The following ATP8A2 variants were observed in gnomAD, a reference collection of about 807,000 sequenced individuals.
The protein encoded by ATP8A2 is ATPase phospholipid transporting 8A2, also known as phospholipid-transporting ATPase IB.
Under a neutral mutation model 165.6 loss-of-function variants are expected in ATP8A2, and 100 were observed. The observed-to-expected ratio is 0.60, with a 90% confidence interval of 0.51 to 0.71. The LOEUF (loss-of-function observed/expected upper bound fraction) is 0.71. Among genes scored for constraint, ATP8A2 ranks in the 30% least tolerant of loss-of-function variants. The pLI is 0.00. For missense variants in ATP8A2, 1,227 were observed against 1,479.5 expected (o/e 0.83, Z 2.80); for synonymous variants, 543 against 548.8 (o/e 0.99, Z 0.15).
At chr13:25,539,097 GTGTTT>G (rs1566239866) in intron 7 of ATP8A2, among the ~76,000 whole-genome samples, 1 of 146,094 alleles carries the variant, frequency 6.8e-6, no homozygotes, top group Admixed American at 6.8e-5. Context: ...GTGTGTGTGT[GTGTTT>G]TGTTTTGTTT....
intron 33 of ATP8A2, among the ~76,000 whole-genome samples, chr13:25,914,087 G>T (rs1954199625): frequency 6.6e-6 from 1 of 152,174 alleles, no homozygotes; most frequent in East Asian, 1.9e-4. Flanking sequence ...TCTGCTTCCT[G>T]AAACTCTTCT....
At chr13:25,962,599 A>G (rs1795441805) in intron 34 of ATP8A2, among the ~76,000 whole-genome samples, 1 of 152,158 alleles carries the variant, frequency 6.6e-6, no homozygotes, top group Non-Finnish European at 1.5e-5. Flanking sequence ...GGTCGACCCA[A>G]TTTCTCCTAC....
chr13:25,654,706 A>G (rs17623609), intron 24 of ATP8A2, among the ~76,000 whole-genome samples: 5,229 of 152,226 alleles, frequency 0.034, 155 homozygotes, highest in East Asian at 0.13. Flanking sequence ...GTAGATATAG[A>G]CATAGAAGGT....
At chr13:25,736,271 A>G (rs895739016) in intron 25 of ATP8A2, among the ~76,000 whole-genome samples, 13 of 152,342 alleles carry the variant, frequency 8.5e-5, no homozygotes, top group South Asian at 2.1e-4. Flanking sequence ...TGGCCGCTCA[A>G]GAAAAGGCTG....
At chr13:25,862,856 CCAGAT>C (rs578230206) in intron 33 of ATP8A2, among the ~76,000 whole-genome samples, 46 of 152,278 alleles carry the variant, frequency 3.0e-4, no homozygotes, top group African/African-American at 9.6e-4. Flanking sequence ...GCTCTATGAA[CCAGAT>C]CATTGATAAA....
chr13:25,799,306 T>C (rs528117805), intron 27 of ATP8A2, among the ~76,000 whole-genome samples: 1 of 152,252 alleles, frequency 6.6e-6, no homozygotes, highest in Non-Finnish European at 1.5e-5. Flanking sequence ...CCTTTTGGGG[T>C]AGGAAGGACA....
intron 2 of ATP8A2, among the ~76,000 whole-genome samples, chr13:25,528,781 TATGCAACATGTGTATGCAC>T (rs1566224725): frequency 0.01 from 845 of 82,638 alleles, 79 homozygotes; most frequent in Middle Eastern, 0.015. Flanking sequence ...TATGCACACA[TATGCAACATGTGTATGCAC>T]ACATATGCAA....
intron 33 of ATP8A2, among the ~76,000 whole-genome samples, chr13:25,878,381 ATCT>A (rs1290477885): frequency 6.6e-6 from 1 of 152,058 alleles, no homozygotes; most frequent in Non-Finnish European, 1.5e-5. Context: ...GGGTTCTTGG[ATCT>A]TGCACAAGAA....
intron 1 of ATP8A2, among the ~76,000 whole-genome samples, chr13:25,460,179 C>T (rs1373365066): frequency 6.6e-6 from 1 of 152,124 alleles, no homozygotes; most frequent in Non-Finnish European, 1.5e-5. Context: ...CCAGCCTGGG[C>T]AACAGGGTGA....
chr13:25,753,548 A>T (rs35169589), intron 25 of ATP8A2, among the ~76,000 whole-genome samples: 1 of 152,166 alleles, frequency 6.6e-6, no homozygotes, highest in Non-Finnish European at 1.5e-5. Context: ...TATTGAGATG[A>T]ACACCACCAG....
At chr13:25,462,004 G>A (rs2035518245) in intron 1 of ATP8A2, among the ~76,000 whole-genome samples, 1 of 152,126 alleles carries the variant, frequency 6.6e-6, no homozygotes, top group South Asian at 2.1e-4. Flanking sequence ...TTGCAGATAA[G>A]GAAACCAAGG....
At chr13:25,577,910 A>G (rs2039663221) in intron 20 of ATP8A2, among the ~76,000 whole-genome samples, 2 of 152,320 alleles carry the variant, frequency 1.3e-5, no homozygotes, top group South Asian at 2.1e-4. Flanking sequence ...CGATGAGTAG[A>G]GCTTTTTACA....
At chr13:25,490,282 G>C (rs1277435385) in intron 2 of ATP8A2, among the ~76,000 whole-genome samples, 1 of 152,240 alleles carries the variant, frequency 6.6e-6, no homozygotes. Context: ...CGTAAGGTGG[G>C]TGCTTCACTC....
At chr13:25,442,628 C>T (rs2034963218) in intron 1 of ATP8A2, among the ~76,000 whole-genome samples, 1 of 152,076 alleles carries the variant, frequency 6.6e-6, no homozygotes, top group Non-Finnish European at 1.5e-5. Flanking sequence ...CTATGTCGTC[C>T]AGGCTGTTCT....
chr13:25,553,167 G>C (rs1020036532), intron 11 of ATP8A2, among the ~76,000 whole-genome samples: 1 of 151,540 alleles, frequency 6.6e-6, no homozygotes, highest in African/African-American at 2.4e-5. Context: ...CTTTCCCTTT[G>C]ATACCCCCAG....
intron 24 of ATP8A2, among the ~76,000 whole-genome samples, chr13:25,626,606 G>A (rs1404498040): frequency 1.3e-5 from 2 of 152,156 alleles, no homozygotes; most frequent in Admixed American, 1.3e-4. Context: ...GAAGGTAGAC[G>A]AATGAATAAG....
At chr13:25,465,669 T>C (rs147800330) in intron 1 of ATP8A2, among the ~76,000 whole-genome samples, 2,970 of 10,186 alleles carry the variant, frequency 0.29, 74 homozygotes, top group Middle Eastern at 0.38. Flanking sequence ...AGAGTTTTCT[T>C]TCTTTCTTTC....
chr13:25,678,368 G>A (rs2042414254), intron 24 of ATP8A2, among the ~76,000 whole-genome samples: 1 of 152,174 alleles, frequency 6.6e-6, no homozygotes, highest in Non-Finnish European at 1.5e-5. Flanking sequence ...AGCAGGTGGA[G>A]GATATGGCCG....
chr13:25,843,447 C>T (rs1053788674), intron 30 of ATP8A2, among the ~76,000 whole-genome samples: 4 of 152,112 alleles, frequency 2.6e-5, no homozygotes, highest in Non-Finnish European at 5.9e-5. Context: ...AACATAGGGC[C>T]TCTGGGAGGT....
Sources: gnomAD v4.1 joint callset for allele counts (sites outside exome capture counted in the v4.1 genomes callset) on GRCh38, gnomAD v4.1.1 for gene constraint, MANE v1.5 for transcripts, NCBI Gene and HGNC (gene_info 2026-07-23, HGNC 2026-07-21) for gene names.